The following COG6 variants were observed in gnomAD, a reference collection of about 807,000 sequenced individuals.
The protein encoded by COG6 is component of oligomeric golgi complex 6.
COG6 carries 74 observed loss-of-function variants against 88.8 expected under a neutral mutation model. The ratio of observed to expected loss-of-function variants is 0.83; its 90% CI spans 0.69 to 1.01. The LOEUF (loss-of-function observed/expected upper bound fraction) is 1.01, where lower values mean the gene tolerates loss of function less well. Among genes scored for constraint, COG6 ranks in the 50% least tolerant of loss-of-function variants. COG6 has a pLI of 0.00. For missense variants in COG6, 800 were observed against 797.9 expected (o/e 1.00, Z -0.03); for synonymous variants, 286 against 278.7 (o/e 1.03, Z -0.26).
At chr13:39,777,910 T>C (rs1050217716) in intron 18 of COG6, among the ~76,000 whole-genome samples, 3 of 152,204 alleles carry the variant, frequency 2.0e-5, no homozygotes, top group African/African-American at 7.2e-5. Context: ...ACTGCATATG[T>C]GGGAGAGAAA....
chr13:39,749,982 A>T (rs1459134915), intron 18 of COG6, among the ~76,000 whole-genome samples: 4 of 152,158 alleles, frequency 2.6e-5, no homozygotes, highest in African/African-American at 9.6e-5. Flanking sequence ...GGAAGAATAG[A>T]TAGGAGTTTG....
chr13:39,676,009 A>G (rs1875944323), intron 4 of COG6, among the ~76,000 whole-genome samples: 1 of 152,104 alleles, frequency 6.6e-6, no homozygotes, highest in African/African-American at 2.4e-5. Context: ...CATATCTATC[A>G]CTTTAAACAT....
At chr13:39,704,720 AG>A (rs988858847) in intron 13 of COG6, among the ~76,000 whole-genome samples, 4 of 152,180 alleles carry the variant, frequency 2.6e-5, no homozygotes, top group Non-Finnish European at 4.4e-5. Context: ...TGAACAGAAT[AG>A]GATGAAAATG....
At chr13:39,662,910 A>C (rs920882078) in intron 3 of COG6, among the ~76,000 whole-genome samples, 4 of 152,008 alleles carry the variant, frequency 2.6e-5, no homozygotes, top group Non-Finnish European at 4.4e-5. Context: ...GAGTATCCTC[A>C]CTTTCCCTTT....
At chr13:39,703,833 C>T (rs960854425) in intron 13 of COG6, among the ~76,000 whole-genome samples, 5 of 152,014 alleles carry the variant, frequency 3.3e-5, no homozygotes, top group Non-Finnish European at 5.9e-5. Context: ...CTCAAGCCAT[C>T]CTTCTGCCTC....
chr13:39,782,481 C>T (rs541488600), intron 18 of COG6, among the ~76,000 whole-genome samples: 192 of 152,236 alleles, frequency 1.3e-3, no homozygotes, highest in Admixed American at 1.4e-3. Context: ...GGGAGGCCCC[C>T]CTCTTGTCCA....
chr13:39,705,190 A>G (rs184940518), intron 13 of COG6, among the ~76,000 whole-genome samples: 1 of 152,318 alleles, frequency 6.6e-6, no homozygotes, highest in Non-Finnish European at 1.5e-5. Context: ...TTTTAAGTGA[A>G]TAGTATAATT....
intron 13 of COG6, among the ~76,000 whole-genome samples, chr13:39,703,091 G>A (rs1412396059): frequency 6.6e-6 from 1 of 151,870 alleles, no homozygotes; most frequent in Non-Finnish European, 1.5e-5. Flanking sequence ...ATACAGACAG[G>A]AATCACTAAA....
At chr13:39,679,410 G>A (rs1053029414) in intron 5 of COG6, 128 bp from the exon 6 acceptor site, 3 of 690,272 alleles carry the variant, frequency 4.3e-6, no homozygotes, top group Non-Finnish European at 8.0e-6. Context: ...AGAAAGTTGA[G>A]ATCAGTATAG....
intron 4 of COG6, among the ~76,000 whole-genome samples, chr13:39,665,476 TC>T (rs1041934546): frequency 7.2e-5 from 11 of 152,324 alleles, no homozygotes; most frequent in Admixed American, 7.2e-4. Context: ...TACTTTTTTT[TC>T]ACAATCATTG....
chr13:39,704,121 C>T (rs1209403550), intron 13 of COG6, among the ~76,000 whole-genome samples: 1 of 152,022 alleles, frequency 6.6e-6, no homozygotes, highest in East Asian at 1.9e-4. Context: ...TTATTCTTTC[C>T]CAAGTGGTTA....
chr13:39,666,013 G>A (rs1051128427), intron 4 of COG6, among the ~76,000 whole-genome samples: 3 of 152,170 alleles, frequency 2.0e-5, no homozygotes, highest in African/African-American at 4.8e-5. Flanking sequence ...TTACCCTACT[G>A]CAGTAGAGTC....
At chr13:39,737,437 G>T (rs183422850) in intron 18 of COG6, among the ~76,000 whole-genome samples, 5 of 151,772 alleles carry the variant, frequency 3.3e-5, no homozygotes, top group Admixed American at 2.6e-4. Flanking sequence ...AGTGGGTCCA[G>T]AGAAGCTGTC....
chr13:39,736,949 C>A (rs538657518), intron 18 of COG6, among the ~76,000 whole-genome samples: 23 of 152,222 alleles, frequency 1.5e-4, no homozygotes, highest in African/African-American at 5.3e-4. Flanking sequence ...GGGCCTTGTA[C>A]CTGTCCTTCT....
At position 39,785,053 on chromosome 13, in the gene COG6, G is replaced by T. The variant is rs535917679; in HGVS notation, c.1827-3282G>T. Among the ~76,000 whole-genome samples the T allele has an allele frequency of 7.2e-5, 11 of 152,344 alleles. No homozygotes were observed. The South Asian group carries it at 8.3e-4, about 11-fold the overall frequency. ...CCTTGATCATGGCCAACCGCAATAT[G>T]CTTCAGCCTTGTGGCTATGGCATAG... On this transcript the variant is annotated intron_variant, in intron 18 of 18. Coordinates refer to the COG6 transcript ENST00000416691.
rs957740647 is a variant in COG6 at position 39,680,509 on chromosome 13, A to C, written c.694+464A>C. Among the ~76,000 whole-genome samples the C allele has an allele frequency of 3.3e-5, 5 of 152,218 alleles. No homozygotes were observed. The South Asian group carries it at 8.3e-4, about 25-fold the overall frequency. ...AAACAACACATATTTGTTGCCTTAC[A>C]CTTCTGTAGGTCAGAAATCAGATGT... On this transcript the variant is annotated intron_variant, in intron 7 of 18. Coordinates refer to ENST00000455146, the MANE Select transcript of COG6 (RefSeq NM_020751.3).
At position 39,694,683 on chromosome 13, in the gene COG6, A is replaced by G; in HGVS notation, c.1124A>G (p.Tyr375Cys). 2 of 1,601,592 alleles carry G rather than the reference A, an allele frequency of 1.2e-6. No homozygotes were observed. Among genetic ancestry groups the G allele is most frequent in the Non-Finnish European group, 1.7e-6 (2 of 1,170,926 alleles). ...GCTGAACCTGGGGCAGTTTTATTAT[A>G]TAAAATTTCTAATCTCCTCAAATTT... Reference protein sequence around the residue: ...IVAEPGAVLLYKISNLLKFYH... With the variant: ...IVAEPGAVLLCKISNLLKFYH... Residue 375 changes from tyrosine to cysteine, a missense_variant, in exon 12 of 19, where the codon TAT becomes TGT. Physicochemically the swap from Tyr to Cys is radical, Grantham distance 194 (BLOSUM62 -2). Transcript: ENST00000455146.
chr13:39,785,793 T>C (rs1455076618), intron 18 of COG6, among the ~76,000 whole-genome samples: 1 of 152,216 alleles, frequency 6.6e-6, no homozygotes, highest in Non-Finnish European at 1.5e-5. Flanking sequence ...GTATTTAAAC[T>C]AAATCCTTCA....
At chr13:39,723,542 G>C in intron 16 of COG6, 102 bp downstream of exon 16, 2 of 733,470 alleles carry the variant, frequency 2.7e-6, no homozygotes, top group South Asian at 1.5e-5. Flanking sequence ...CATATTAGCT[G>C]TGTTCTCCTG....
Sources: gnomAD v4.1 joint callset for allele counts (sites outside exome capture counted in the v4.1 genomes callset) on GRCh38, gnomAD v4.1.1 for gene constraint, MANE v1.5 for transcripts, NCBI Gene and HGNC (gene_info 2026-07-23, HGNC 2026-07-21) for gene names.